Variants in ESRRG observed in about 807,000 individuals in gnomAD.
The protein encoded by ESRRG is estrogen related receptor gamma.
A neutral mutation model predicts 44.0 loss-of-function variants in ESRRG; 13 were observed. The observed-to-expected ratio is 0.30, with a 90% CI of 0.19 to 0.47. The LOEUF (loss-of-function observed/expected upper bound fraction) is 0.47, where lower values mean the gene tolerates loss of function less well. Among genes scored for constraint, ESRRG ranks in the 20% least tolerant of loss-of-function variants. The pLI is 1.00. For missense variants in ESRRG, 395 were observed against 580.6 expected (o/e 0.68, Z 3.29); for synonymous variants, 215 against 214.6 (o/e 1.00, Z -0.02).
chr1:216,688,944 T>C (rs1408199021), intron 1 of ESRRG, among the ~76,000 whole-genome samples: 2 of 152,062 alleles, frequency 1.3e-5, no homozygotes, highest in Non-Finnish European at 2.9e-5. Context: ...GGAAAACAAT[T>C]ATATATATCT....
chr1:216,685,911 A>G (rs893403146), intron 1 of ESRRG, among the ~76,000 whole-genome samples: 3 of 152,220 alleles, frequency 2.0e-5, no homozygotes, highest in Non-Finnish European at 2.9e-5. Flanking sequence ...GTACTCTGCA[A>G]CTGAGTGAAT....
intron 1 of ESRRG, among the ~76,000 whole-genome samples, chr1:217,017,251 G>T (rs1363040679): frequency 6.6e-6 from 1 of 152,072 alleles, no homozygotes; most frequent in Non-Finnish European, 1.5e-5. Flanking sequence ...TACCCAGGGA[G>T]GGGGAAAATG....
intron 2 of ESRRG, among the ~76,000 whole-genome samples, chr1:216,912,396 T>C (rs1423863749): frequency 6.6e-6 from 1 of 151,762 alleles, no homozygotes; most frequent in Non-Finnish European, 1.5e-5. Flanking sequence ...AAAAAGGACA[T>C]TAATTTCCCT....
At chr1:216,653,104 C>A (rs1455943743) in intron 2 of ESRRG, among the ~76,000 whole-genome samples, 1 of 152,218 alleles carries the variant, frequency 6.6e-6, no homozygotes, top group Admixed American at 6.5e-5. Flanking sequence ...TAACCCAGTG[C>A]TAAAAACTTC....
At chr1:217,111,982 C>T (rs2092666789) in intron 1 of ESRRG, among the ~76,000 whole-genome samples, 1 of 152,124 alleles carries the variant, frequency 6.6e-6, no homozygotes, top group South Asian at 2.1e-4. Flanking sequence ...GCAGCCAATG[C>T]CACAGAGAGA....
upstream of ESRRG, among the ~76,000 whole-genome samples, chr1:216,724,543 G>T (rs1298948265): frequency 6.6e-6 from 1 of 151,592 alleles, no homozygotes; most frequent in African/African-American, 2.4e-5. Context: ...CTATACATAA[G>T]GCACCCTATA....
intron 2 of ESRRG, among the ~76,000 whole-genome samples, chr1:216,930,192 C>G (rs762851362): frequency 6.6e-6 from 1 of 152,186 alleles, no homozygotes; most frequent in Non-Finnish European, 1.5e-5. Context: ...TCTTTAATCT[C>G]CCTTCTAACC....
chr1:217,059,905 A>T (rs1437143567), intron 1 of ESRRG, among the ~76,000 whole-genome samples: 1 of 152,070 alleles, frequency 6.6e-6, no homozygotes, highest in Non-Finnish European at 1.5e-5. Context: ...TCATTTTTTA[A>T]ATGGGAAAGA....
intron 5 of ESRRG, among the ~76,000 whole-genome samples, chr1:216,550,119 G>A (rs1007426524): frequency 6.6e-6 from 1 of 152,146 alleles, no homozygotes; most frequent in Non-Finnish European, 1.5e-5. Flanking sequence ...GAATAATGTA[G>A]TGTGATGACA....
At chr1:216,552,851 A>G (rs767760855) in intron 5 of ESRRG, among the ~76,000 whole-genome samples, 11 of 152,178 alleles carry the variant, frequency 7.2e-5, no homozygotes, top group Non-Finnish European at 1.6e-4. Context: ...TTTTAAATAA[A>G]CAATCATATT....
At chr1:216,879,090 G>T (rs867854362) in intron 2 of ESRRG, among the ~76,000 whole-genome samples, 1 of 152,208 alleles carries the variant, frequency 6.6e-6, no homozygotes, top group African/African-American at 2.4e-5. Context: ...GGCTTTAGCA[G>T]GGATAGTTTA....
chr1:216,590,861 T>C (rs1162409008), intron 3 of ESRRG, among the ~76,000 whole-genome samples: 3 of 152,200 alleles, frequency 2.0e-5, no homozygotes, highest in Non-Finnish European at 4.4e-5. Flanking sequence ...TTCTATCTCC[T>C]AAAGCTTACA....
At chr1:216,985,312 C>G (rs560072521) in intron 1 of ESRRG, among the ~76,000 whole-genome samples, 1 of 152,282 alleles carries the variant, frequency 6.6e-6, no homozygotes, top group Non-Finnish European at 1.5e-5. Context: ...TGTGCCTTTC[C>G]CAACCCACCT....
chr1:217,090,810 C>G (rs2092331320), upstream of ESRRG, among the ~76,000 whole-genome samples: 1 of 152,042 alleles, frequency 6.6e-6, no homozygotes, highest in Non-Finnish European at 1.5e-5. Flanking sequence ...AGCAGGAAAA[C>G]TTTTTTTTAA....
intron 2 of ESRRG, among the ~76,000 whole-genome samples, chr1:216,924,211 T>C (rs2062210109): frequency 6.6e-6 from 1 of 152,174 alleles, no homozygotes; most frequent in Non-Finnish European, 1.5e-5. Context: ...CCATGACTGC[T>C]ACTGCAATGG....
intron 1 of ESRRG, among the ~76,000 whole-genome samples, chr1:217,095,031 AGTGT>A (rs571908776): frequency 3.6e-4 from 52 of 146,206 alleles, no homozygotes; most frequent in Non-Finnish European, 3.0e-5. Context: ...TGTGTCTGTG[AGTGT>A]GTGTGTGTAT....
At chr1:216,996,037 A>C (rs1488949256) in intron 1 of ESRRG, among the ~76,000 whole-genome samples, 1 of 152,224 alleles carries the variant, frequency 6.6e-6, no homozygotes, top group African/African-American at 2.4e-5. Flanking sequence ...TTATTAACAA[A>C]AAAAAAATTA....
At chr1:216,644,656 C>T (rs2067164283) in intron 3 of ESRRG, among the ~76,000 whole-genome samples, 2 of 151,926 alleles carry the variant, frequency 1.3e-5, no homozygotes, top group African/African-American at 4.8e-5. Context: ...AGGCTGGTCT[C>T]AAACTCCTGT....
chr1:216,651,565 T>C (rs1333648985), intron 2 of ESRRG, among the ~76,000 whole-genome samples: 2 of 152,168 alleles, frequency 1.3e-5, no homozygotes, highest in Admixed American at 6.6e-5. Flanking sequence ...TAAACAAATA[T>C]GGCATGTTAT....
Sources: gnomAD v4.1 joint callset for allele counts (sites outside exome capture counted in the v4.1 genomes callset) on GRCh38, gnomAD v4.1.1 for gene constraint, MANE v1.5 for transcripts, NCBI Gene and HGNC (gene_info 2026-07-23, HGNC 2026-07-21) for gene names.